The following MGME1 variants were observed in gnomAD, a reference collection of about 807,000 sequenced individuals.
MGME1 encodes the protein chromosome 20 open reading frame 72.
Under a neutral mutation model 33.0 loss-of-function variants are expected in MGME1, and 22 were observed. That is an observed-to-expected ratio of 0.67 (90% confidence interval 0.48 to 0.95). The LOEUF (loss-of-function observed/expected upper bound fraction) is 0.95, where lower values mean the gene tolerates loss of function less well. MGME1 is among the 40% of genes least tolerant of loss of function. MGME1 has a pLI of 0.00. For missense variants in MGME1, 383 were observed against 397.8 expected (o/e 0.96, Z 0.32); for synonymous variants, 133 against 144.0 (o/e 0.92, Z 0.55).
At chr20:17,968,715 CGAG>C (rs2122459441), upstream of MGME1, 1 of 446,566 alleles carries the variant, frequency 2.2e-6, no homozygotes, top group East Asian at 4.5e-5. Context: ...CTCCGCTCCA[CGAG>C]GAGGCCGCCA....
At chr20:17,977,600 G>C (rs2035901313) in intron 3 of MGME1, among the ~76,000 whole-genome samples, 2 of 152,102 alleles carry the variant, frequency 1.3e-5, no homozygotes, top group South Asian at 4.2e-4. Context: ...CTACTGCAAG[G>C]GTTTGTGATA....
chr20:17,981,660 TG>T (rs2036024044), intron 3 of MGME1, among the ~76,000 whole-genome samples: 1 of 149,994 alleles, frequency 6.7e-6, no homozygotes, highest in African/African-American at 2.5e-5. Context: ...TGTGTGTGTG[TG>T]TGTGTGTGTG....
chr20:17,984,672 TTA>T (rs2036110621), intron 3 of MGME1, among the ~76,000 whole-genome samples: 1 of 152,158 alleles, frequency 6.6e-6, no homozygotes, highest in South Asian at 2.1e-4. Flanking sequence ...TGTTTGTGTC[TTA>T]GTTTTTAACA....
chr20:17,971,644 T>C (rs1466246914), intron 2 of MGME1, among the ~76,000 whole-genome samples: 1 of 152,078 alleles, frequency 6.6e-6, no homozygotes, highest in Non-Finnish European at 1.5e-5. Context: ...GAGAGGAATT[T>C]CTGTTTGGAA....
chr20:17,974,304 A>G (rs535033796), intron 2 of MGME1, among the ~76,000 whole-genome samples: 1 of 152,224 alleles, frequency 6.6e-6, no homozygotes, highest in Non-Finnish European at 1.5e-5. Flanking sequence ...ACCTCAGGTA[A>G]TCCGCCTGCC....
intron 2 of MGME1, among the ~76,000 whole-genome samples, chr20:17,971,007 A>G (rs1342482049): frequency 2.0e-5 from 3 of 152,254 alleles, no homozygotes; most frequent in African/African-American, 7.2e-5. Flanking sequence ...AGCTAGTCCC[A>G]TAAATTATAT....
At position 17,989,980 on chromosome 20, in the gene MGME1, A is replaced by G; in HGVS notation, c.906A>G (p.Ser302=). ...TTGTGGTGGCCTACAAAGATGGATC[A>G]CCTGCCCACCCACATTTCATGGATG... is the stretch of plus-strand genomic sequence containing the variant. The part of the protein sequence containing the change: ...GLIVVAYKDG[S]PAHPHFMDAE... The change falls in exon 5 of 5, where the codon TCA becomes TCG. Residue 302 remains serine (S), a synonymous_variant. Coordinates refer to ENST00000377710, the MANE Select transcript of MGME1 (RefSeq NM_052865.4). 6.2e-7 allele frequency: 1 copy of G among 1,614,168 alleles called. No homozygotes were observed. The highest frequency in any genetic ancestry group is 8.5e-7 in the Non-Finnish European group (1 of 1,180,024).
chr20:17,986,099 AC>A (rs1291678131), intron 3 of MGME1, among the ~76,000 whole-genome samples: 11 of 150,872 alleles, frequency 7.3e-5, no homozygotes, highest in Admixed American at 6.6e-4. Flanking sequence ...ACAGAGTTTC[AC>A]CCTTGTCGCC....
intron 3 of MGME1, 99 bp downstream of exon 3, chr20:17,976,002 C>A: frequency 1.0e-6 from 1 of 976,888 alleles, no homozygotes; most frequent in Non-Finnish European, 1.6e-6. Flanking sequence ...GTTTAATGTC[C>A]AGACCTTTGT....
intron 3 of MGME1, 28 bp from the exon 4 acceptor site, chr20:17,988,138 A>G (rs761757000): frequency 1.3e-6 from 2 of 1,596,242 alleles, no homozygotes; most frequent in East Asian, 2.2e-5. Context: ...TCTATTACCT[A>G]CAAAGTCTTC....
chr20:17,976,760 C>A (rs898817500), intron 3 of MGME1, among the ~76,000 whole-genome samples: 4 of 152,152 alleles, frequency 2.6e-5, no homozygotes, highest in African/African-American at 9.7e-5. Flanking sequence ...CTCCTAGGTT[C>A]AAGCTATTAT....
rs548432983 is a variant in MGME1, at chr20:17,988,097, A to G, written c.732-69A>G. 39 of 1,433,672 alleles carry G rather than the reference A, an allele frequency of 2.7e-5. No individual in the cohort carries two copies. In the African/African-American group the frequency reaches 5.1e-4, roughly 19 times the overall value. The allele number at this position is 1,433,672 out of a possible 1,614,324, so 88.8% of individuals were successfully genotyped here. A position where few individuals can be genotyped will look rare whatever the true frequency, so the allele number is the denominator to read the frequency against. ...CAAGTAACAAACTATACATAAGAGAACTGTTAACCTAGTAGAGATTTTCAT... is the reference window on the plus strand; with the variant it reads ...CAAGTAACAAACTATACATAAGAGAGCTGTTAACCTAGTAGAGATTTTCAT... On this transcript the variant is annotated intron_variant, in intron 3 of 4. Transcript: ENST00000377710.
intron 3 of MGME1, among the ~76,000 whole-genome samples, chr20:17,986,872 TTGCTGCAAACAG>T (rs1431239160): frequency 1.3e-5 from 2 of 151,978 alleles, no homozygotes; most frequent in Non-Finnish European, 2.9e-5. Flanking sequence ...TTACAGTACA[TTGCTGCAAACAG>T]TGTTCTGTGG....
chr20:17,970,819 G>C (rs1023701768), intron 2 of MGME1, among the ~76,000 whole-genome samples: 1 of 152,174 alleles, frequency 6.6e-6, no homozygotes, highest in African/African-American at 2.4e-5. Flanking sequence ...AAGCAGACCA[G>C]AACACATGAC....
At chr20:17,969,779 A>G (rs1291062003) in intron 1 of MGME1, 22 bp from the exon 2 acceptor site, 3 of 1,394,820 alleles carry the variant, frequency 2.2e-6, no homozygotes, top group Non-Finnish European at 2.9e-6. Context: ...TTTCGCTTTG[A>G]TGGTTGTTTT....
rs142454195 is a variant in MGME1 at position 17,988,237 on chromosome 20, A to T, written c.803A>T (p.Asn268Ile). The T allele has an allele frequency of 5.8e-4, 934 of 1,614,084 alleles. 14 individuals carry two copies. The South Asian group carries it at 6.3e-3, about 11-fold the overall frequency. ...PKPFIQSTFD[N>I]PLQVVAYMGA... The stretch of plus-strand genomic sequence containing the variant: ...CCTTTTATTCAAAGTACATTTGACA[A>T]CCCACTGCAAGTTGTGGCATACATG... The change falls in exon 4 of 5, where the codon AAC becomes ATC. Residue 268 changes from asparagine to isoleucine, a missense_variant. Asn to Ile is a moderately radical substitution (Grantham distance 149). Transcript: ENST00000377710.
intron 3 of MGME1, among the ~76,000 whole-genome samples, chr20:17,984,435 C>A (rs1402115462): frequency 1.3e-5 from 2 of 152,082 alleles, no homozygotes; most frequent in South Asian, 2.1e-4. Context: ...TGTTATAGTG[C>A]AACATACTAC....
At chr20:17,985,052 A>G (rs371364876) in intron 3 of MGME1, among the ~76,000 whole-genome samples, 13,766 of 150,740 alleles carry the variant, frequency 0.091, 854 homozygotes, top group Middle Eastern at 0.14. Context: ...AAAAAAAAAA[A>G]AAAAAGAAAA....
chr20:17,968,775 C>G, upstream of MGME1: 1 of 325,116 alleles, frequency 3.1e-6, no homozygotes, highest in Non-Finnish European at 5.7e-6. Context: ...ACTCTCCCAG[C>G]AAGACGCGTC....
Sources: gnomAD v4.1 joint callset for allele counts (sites outside exome capture counted in the v4.1 genomes callset) on GRCh38, gnomAD v4.1.1 for gene constraint, MANE v1.5 for transcripts, NCBI Gene and HGNC (gene_info 2026-07-23, HGNC 2026-07-21) for gene names.